The following KCMF1 variants were observed in gnomAD, a reference collection of about 807,000 sequenced individuals.
The protein encoded by KCMF1 is E3 ubiquitin-protein ligase KCMF1.
Under a neutral mutation model 41.1 loss-of-function variants are expected in KCMF1, and 3 were observed. The observed-to-expected ratio is 0.07, with a 90% CI of 0.03 to 0.19. The LOEUF (loss-of-function observed/expected upper bound fraction) is 0.19, where lower values mean the gene tolerates loss of function less well. Among genes scored for constraint, KCMF1 ranks in the 10% least tolerant of loss-of-function variants. The pLI is 1.00. For synonymous variants in KCMF1, 142 were observed against 164.5 expected, an observed-to-expected ratio of 0.86 and a Z score of 1.04; for missense variants, 286 against 488.9, an observed-to-expected ratio of 0.58 and a Z score of 3.91.
At chr2:84,982,405 T>C (rs1466575885) in intron 1 of KCMF1, among the ~76,000 whole-genome samples, 21 of 111,294 alleles carry the variant, frequency 1.9e-4, no homozygotes, top group Non-Finnish European at 3.0e-4. Flanking sequence ...TTTTTTTTTT[T>C]TTTTTTTTTT....
intron 2 of KCMF1, among the ~76,000 whole-genome samples, chr2:85,034,564 A>C (rs867228254): frequency 7.9e-5 from 12 of 152,200 alleles, no homozygotes; most frequent in African/African-American, 2.9e-4. Flanking sequence ...TTTTGGAGGA[A>C]TAACATGGAG....
chr2:85,025,572 C>G (rs1266023978), intron 1 of KCMF1, among the ~76,000 whole-genome samples: 1 of 152,132 alleles, frequency 6.6e-6, no homozygotes, highest in Non-Finnish European at 1.5e-5. Context: ...CTTTCCTTCT[C>G]TTTGAATTTG....
At chr2:84,982,195 A>G (rs1431744905) in intron 1 of KCMF1, among the ~76,000 whole-genome samples, 2 of 152,072 alleles carry the variant, frequency 1.3e-5, no homozygotes, top group African/African-American at 4.8e-5. Flanking sequence ...GTGAATGGTT[A>G]GATAACTAAC....
rs1558573393 is a variant in KCMF1 at position 85,008,298 on chromosome 2, A to ATATAATATGATATATAATATATATC, written c.17-19591_17-19590insTATAATATGATATATAATATATATC. Among the ~76,000 whole-genome samples the ATATAATATGATATATAATATATATC allele has an allele frequency of 1.5e-3, 119 of 77,908 alleles. 2 individuals are homozygous for ATATAATATGATATATAATATATATC. The highest frequency in any genetic ancestry group is 2.3e-3 in the Non-Finnish European group (99 of 43,110). 51.1% of individuals were successfully genotyped at this position (77,908 alleles called of 152,430 possible). On this transcript the variant is annotated intron_variant, in intron 1 of 6. Transcript: ENST00000409785. Reference sequence around the variant, plus strand: ...ATATAATATGATATATAATATATATAATATATAATATGATATATATATCAT... The same window carrying ATATAATATGATATATAATATATATC: ...ATATAATATGATATATAATATATATATATAATATGATATATAATATATATCATATATAATATGATATATATATCAT...
At chr2:85,013,565 C>T (rs531131184) in intron 1 of KCMF1, among the ~76,000 whole-genome samples, 5 of 152,030 alleles carry the variant, frequency 3.3e-5, no homozygotes, top group South Asian at 2.1e-4. Flanking sequence ...TTTGGGAGGC[C>T]GAGGTGGGCG....
intron 1 of KCMF1, among the ~76,000 whole-genome samples, chr2:85,007,748 C>T (rs993193265): frequency 6.6e-6 from 1 of 152,076 alleles, no homozygotes; most frequent in African/African-American, 2.4e-5. Context: ...GTAATTAATT[C>T]TTGTTATAGG....
At chr2:84,988,529 C>T (rs1274583752) in intron 1 of KCMF1, among the ~76,000 whole-genome samples, 2 of 152,124 alleles carry the variant, frequency 1.3e-5, no homozygotes, top group Non-Finnish European at 2.9e-5. Flanking sequence ...GAATTCAAAC[C>T]TGGGTTTGGG....
At chr2:84,999,135 G>A (rs1674266170) in intron 1 of KCMF1, among the ~76,000 whole-genome samples, 1 of 151,164 alleles carries the variant, frequency 6.6e-6, no homozygotes, top group South Asian at 2.1e-4. Flanking sequence ...ATGAGCCACT[G>A]CGCCTGGCCT....
intron 1 of KCMF1, among the ~76,000 whole-genome samples, chr2:85,020,033 C>A (rs1248397289): frequency 2.0e-5 from 3 of 152,026 alleles, no homozygotes; most frequent in Non-Finnish European, 4.4e-5. Flanking sequence ...GGCTACCACC[C>A]CCTATCCCTT....
At chr2:85,034,978 A>T (rs1675372329) in intron 2 of KCMF1, 38 bp from the exon 3 acceptor site, 1 of 1,530,848 alleles carries the variant, frequency 6.5e-7, no homozygotes, top group African/African-American at 1.4e-5. Context: ...ATGTTTAAAA[A>T]CTAATATTCC....
intron 1 of KCMF1, among the ~76,000 whole-genome samples, chr2:85,004,824 C>T (rs780105168): frequency 6.6e-6 from 1 of 151,018 alleles, no homozygotes; most frequent in Admixed American, 6.6e-5. Context: ...GGACTGTAGG[C>T]CTATTTATTT....
chr2:84,977,927 A>C (rs1332104272), intron 1 of KCMF1, among the ~76,000 whole-genome samples: 1 of 151,964 alleles, frequency 6.6e-6, no homozygotes, highest in East Asian at 1.9e-4. Flanking sequence ...ACATAACTAC[A>C]TGTTCTTGTT....
intron 4 of KCMF1, among the ~76,000 whole-genome samples, chr2:85,044,385 T>C (rs1044759767): frequency 2.0e-5 from 3 of 152,162 alleles, no homozygotes; most frequent in African/African-American, 4.8e-5. Flanking sequence ...CTTTTCTTTT[T>C]TTTTTAAAAG....
rs747861997 is a variant in KCMF1, at chr2:85,053,417, C to G, written c.*8C>G. 4.4e-6 allele frequency: 7 copies of G among 1,608,436 alleles called. No individual in the cohort carries two copies. The African/African-American group carries it at 9.4e-5, about 22-fold the overall frequency. On this transcript the variant is annotated 3_prime_UTR_variant, in exon 7 of 7. Transcript: ENST00000409785. ...CCACCACCTCCTCTTTGATGACATC[C>G]CAATTCGCAGACAATGTCCTCTGTG...
intron 1 of KCMF1, among the ~76,000 whole-genome samples, chr2:84,990,589 G>A (rs1674018551): frequency 6.6e-6 from 1 of 151,894 alleles, no homozygotes; most frequent in African/African-American, 2.4e-5. Flanking sequence ...TGGGAGGATT[G>A]CTCAAGCCCA....
At chr2:85,005,002 GT>G (rs1490182770) in intron 1 of KCMF1, among the ~76,000 whole-genome samples, 1 of 151,850 alleles carries the variant, frequency 6.6e-6, no homozygotes, top group Non-Finnish European at 1.5e-5. Flanking sequence ...CGCCTCCCAG[GT>G]TCAAGTGATT....
intron 4 of KCMF1, among the ~76,000 whole-genome samples, chr2:85,043,971 T>G (rs1675604054): frequency 6.6e-6 from 1 of 152,212 alleles, no homozygotes; most frequent in Non-Finnish European, 1.5e-5. Context: ...TGCAATTTAT[T>G]TCTCTTTTTA....
intron 1 of KCMF1, among the ~76,000 whole-genome samples, chr2:85,020,105 A>T (rs1674893595): frequency 6.6e-6 from 1 of 152,154 alleles, no homozygotes. Context: ...AGGGATAAGT[A>T]TCAGCATCTT....
At chr2:85,037,870 C>A (rs1675440756) in intron 3 of KCMF1, among the ~76,000 whole-genome samples, 1 of 152,338 alleles carries the variant, frequency 6.6e-6, no homozygotes, top group African/African-American at 2.4e-5. Context: ...GGCCAGCGGA[C>A]ATTACCGCCT....
Sources: gnomAD v4.1 joint callset for allele counts (sites outside exome capture counted in the v4.1 genomes callset) on GRCh38, gnomAD v4.1.1 for gene constraint, MANE v1.5 for transcripts, NCBI Gene and HGNC (gene_info 2026-07-23, HGNC 2026-07-21) for gene names.